The following FHIT variants were observed in gnomAD, a reference collection of about 807,000 sequenced individuals.
The protein encoded by FHIT is bis(5'-adenosyl)-triphosphatase.
A neutral mutation model predicts 17.9 loss-of-function variants in FHIT; 19 were observed. The observed-to-expected ratio is 1.06, with a 90% CI of 0.74 to 1.56. FHIT has a LOEUF of 1.56. Ranked by LOEUF, FHIT falls within the 40% of genes most tolerant of loss-of-function variation. The probability of loss-of-function intolerance (pLI) is 0.00; values close to 1 mark genes in which losing one functional copy is unlikely to be tolerated. For synonymous variants in FHIT, 81 were observed against 69.7 expected, an observed-to-expected ratio of 1.16 and a Z score of -0.81; for missense variants, 248 against 189.2, an observed-to-expected ratio of 1.31 and a Z score of -1.82.
At chr3:59,870,347 C>T (rs529439922) in intron 8 of FHIT, among the ~76,000 whole-genome samples, 1 of 152,258 alleles carries the variant, frequency 6.6e-6, no homozygotes, top group South Asian at 2.1e-4. Flanking sequence ...ACCTAGTTTG[C>T]CCTGTATATA....
chr3:60,275,626 C>G (rs1287705103), intron 5 of FHIT, among the ~76,000 whole-genome samples: 2 of 151,930 alleles, frequency 1.3e-5, no homozygotes, highest in African/African-American at 4.8e-5. Context: ...TAGTCAATGC[C>G]ATACACACAC....
At chr3:60,033,930 G>A (rs1269297354) in intron 5 of FHIT, among the ~76,000 whole-genome samples, 2 of 152,146 alleles carry the variant, frequency 1.3e-5, no homozygotes, top group East Asian at 3.8e-4. Flanking sequence ...AATACAAAGA[G>A]GTAGCTTTCA....
rs73836109 is a variant in FHIT at position 60,750,287 on chromosome 3, C to T, written c.-18+71632G>A. Among the ~76,000 whole-genome samples the T allele has an allele frequency of 1.7e-3, 257 of 152,154 alleles. 2 individuals carry two copies. The highest frequency in any genetic ancestry group is 5.8e-3 in the African/African-American group (239 of 41,496). On this transcript the variant is annotated intron_variant, in intron 4 of 9. Transcript: ENST00000492590. The stretch of plus-strand genomic sequence containing the variant: ...CAGTATAAGGTCTAAAATCAAGGCC[C>T]CCATATTTTGTGCTGCTTTGACATA...
At chr3:60,957,849 A>G (rs1553779462) in intron 3 of FHIT, among the ~76,000 whole-genome samples, 1 of 152,216 alleles carries the variant, frequency 6.6e-6, no homozygotes, top group East Asian at 1.9e-4. Context: ...TATCTCTTCC[A>G]CATAGGTGAG....
intron 7 of FHIT, among the ~76,000 whole-genome samples, chr3:59,950,561 G>C (rs1297408732): frequency 2.7e-5 from 4 of 150,420 alleles, no homozygotes; most frequent in African/African-American, 7.3e-5. Context: ...TTGTTTACTT[G>C]TTTTCTTTTC....
At chr3:60,129,053 G>GT (rs72428863) in intron 5 of FHIT, among the ~76,000 whole-genome samples, 4,967 of 123,432 alleles carry the variant, frequency 0.04, 177 homozygotes, top group Middle Eastern at 0.066. Context: ...TTTTTTGTTT[G>GT]TTTTTTTTTT....
chr3:60,566,781 G>C (rs1380292412), intron 4 of FHIT, among the ~76,000 whole-genome samples: 5 of 151,612 alleles, frequency 3.3e-5, no homozygotes. Context: ...CAAAATCAAT[G>C]TGCAAAAATC....
intron 2 of FHIT, among the ~76,000 whole-genome samples, chr3:61,172,784 C>A (rs755309500): frequency 6.9e-6 from 1 of 144,214 alleles, no homozygotes; most frequent in Non-Finnish European, 1.6e-5. Context: ...CCCCACACAA[C>A]CCCTGAGAGC....
chr3:60,655,263 A>T (rs780890006), intron 4 of FHIT, among the ~76,000 whole-genome samples: 2 of 152,216 alleles, frequency 1.3e-5, no homozygotes, highest in Non-Finnish European at 2.9e-5. Flanking sequence ...GTTACTTTGC[A>T]CTACAGGTGT....
Position 60,476,566 on chromosome 3 carries a change from C to A in FHIT, c.103+60294G>T, listed in dbSNP as rs112930826. Among the ~76,000 whole-genome samples, 1,459 of 152,208 alleles carry A rather than the reference C, an allele frequency of 9.6e-3. 22 individuals are homozygous for A. Among genetic ancestry groups the A allele is most frequent in the African/African-American group, 0.033 (1,378 of 41,526 alleles). On this transcript the variant is annotated intron_variant, in intron 5 of 9. Transcript: ENST00000492590. ...AGGCTAGAAAGATCAGCTGGGAGCA[C>A]TGACTAGGGAAAGCTTCTCCTGAAG...
At chr3:60,120,718 G>A (rs934735287) in intron 5 of FHIT, among the ~76,000 whole-genome samples, 1 of 152,148 alleles carries the variant, frequency 6.6e-6, no homozygotes, top group Admixed American at 6.5e-5. Context: ...TTGGAAACTA[G>A]CAAGTTTCAA....
At chr3:60,988,517 C>T (rs1203555636) in intron 3 of FHIT, among the ~76,000 whole-genome samples, 1 of 152,054 alleles carries the variant, frequency 6.6e-6, no homozygotes, top group Non-Finnish European at 1.5e-5. Context: ...AAATATGGAG[C>T]ATATCTGAGG....
intron 5 of FHIT, among the ~76,000 whole-genome samples, chr3:60,322,892 A>G (rs757451113): frequency 5.3e-4 from 80 of 152,208 alleles, no homozygotes; most frequent in Non-Finnish European, 4.6e-4. Flanking sequence ...CTGAATTATG[A>G]AAAAAATACA....
intron 2 of FHIT, among the ~76,000 whole-genome samples, chr3:61,065,913 C>A (rs11926163): frequency 1.3e-3 from 194 of 152,270 alleles, no homozygotes; most frequent in African/African-American, 4.6e-3. Flanking sequence ...TAGAGGGTGA[C>A]TGTCTTAGTC....
chr3:60,189,615 A>G (rs1174100848), intron 5 of FHIT, among the ~76,000 whole-genome samples: 1 of 152,220 alleles, frequency 6.6e-6, no homozygotes, highest in Admixed American at 6.5e-5. Flanking sequence ...TGTAAACACC[A>G]GCCTCCACAT....
At chr3:60,086,711 C>A (rs1294355275) in intron 5 of FHIT, among the ~76,000 whole-genome samples, 4 of 152,216 alleles carry the variant, frequency 2.6e-5, no homozygotes, top group East Asian at 1.9e-4. Flanking sequence ...TGCCTCCATG[C>A]CCTACATCCT....
intron 5 of FHIT, among the ~76,000 whole-genome samples, chr3:60,200,880 T>A (rs1702870089): frequency 6.6e-6 from 1 of 152,160 alleles, no homozygotes; most frequent in Non-Finnish European, 1.5e-5. Context: ...TGTCTTTCTT[T>A]ACTCCTTTGT....
chr3:61,213,706 T>C (rs1003937075), intron 1 of FHIT, among the ~76,000 whole-genome samples: 6 of 152,170 alleles, frequency 3.9e-5, no homozygotes, highest in Non-Finnish European at 7.3e-5. Context: ...AACATACATT[T>C]TTTTCAGCAC....
At chr3:60,355,046 G>C (rs1056080074) in intron 5 of FHIT, among the ~76,000 whole-genome samples, 3 of 152,084 alleles carry the variant, frequency 2.0e-5, no homozygotes, top group African/African-American at 7.2e-5. Flanking sequence ...CAATGATTTA[G>C]ACTCTCTACA....
Sources: gnomAD v4.1 joint callset for allele counts (sites outside exome capture counted in the v4.1 genomes callset) on GRCh38, gnomAD v4.1.1 for gene constraint, MANE v1.5 for transcripts, NCBI Gene and HGNC (gene_info 2026-07-23, HGNC 2026-07-21) for gene names.